The following ARIH1 variants were observed in gnomAD, a reference collection of about 807,000 sequenced individuals.
ARIH1 encodes the protein ariadne RBR E3 ubiquitin protein ligase 1.
A neutral mutation model predicts 85.0 loss-of-function variants in ARIH1; 8 were observed. That is an observed-to-expected ratio of 0.09 (90% CI 0.06 to 0.17). The LOEUF (loss-of-function observed/expected upper bound fraction) is 0.17, where lower values mean the gene tolerates loss of function less well. Among genes scored for constraint, ARIH1 ranks in the 10% least tolerant of loss-of-function variants. The pLI is 1.00. For synonymous variants in ARIH1, 238 were observed against 253.6 expected, an observed-to-expected ratio of 0.94 and a Z score of 0.59; for missense variants, 311 against 718.1, an observed-to-expected ratio of 0.43 and a Z score of 6.48.
At chr15:72,485,714 GCTGT>G (rs922454841) in intron 1 of ARIH1, among the ~76,000 whole-genome samples, 36 of 151,984 alleles carry the variant, frequency 2.4e-4, no homozygotes, top group Non-Finnish European at 1.2e-4. Context: ...CTAGGTAATT[GCTGT>G]CTTTCTTATA....
At chr15:72,531,924 T>G (rs1399788709) in intron 2 of ARIH1, among the ~76,000 whole-genome samples, 1 of 152,194 alleles carries the variant, frequency 6.6e-6, no homozygotes, top group Non-Finnish European at 1.5e-5. Context: ...ATAATTGTTA[T>G]TTAAGCAACT....
Position 72,536,083 on chromosome 15 carries a change from C to T in ARIH1, c.444-8737C>T, listed in dbSNP as rs573960251. Among the ~76,000 whole-genome samples the T allele has an allele frequency of 3.6e-4, 55 of 152,186 alleles. No individual in the cohort carries two copies. The South Asian group carries it at 6.8e-3, about 19-fold the overall frequency. ...ACTGAAATAGTCATAAGCCAGAAGT[C>T]GTAGACAACCACCAGTAAAGATGAC... On this transcript the variant is annotated intron_variant, in intron 2 of 13. Coordinates refer to ENST00000379887, the MANE Select transcript of ARIH1 (RefSeq NM_005744.5).
chr15:72,496,023 G>C (rs920695625), intron 1 of ARIH1, among the ~76,000 whole-genome samples: 1 of 151,888 alleles, frequency 6.6e-6, no homozygotes, highest in Non-Finnish European at 1.5e-5. Flanking sequence ...CAATCCTTCC[G>C]CCTCAGCCTC....
intron 1 of ARIH1, among the ~76,000 whole-genome samples, chr15:72,511,931 G>T (rs904894696): frequency 6.6e-6 from 1 of 150,980 alleles, no homozygotes; most frequent in Admixed American, 6.6e-5. Context: ...ATCCTATCCT[G>T]TGACTTTTCT....
In ARIH1 at chr15:72,582,418, C is replaced by G. The variant is rs976425760; in HGVS notation, c.1589+231C>G. On this transcript the variant is annotated intron_variant, in intron 13 of 13. Coordinates refer to ENST00000379887, the MANE Select transcript of ARIH1 (RefSeq NM_005744.5). This position sits in a 1 kb window ranked among gnomAD's most constrained non-coding sequence, Gnocchi z 4.6. The stretch of plus-strand genomic sequence containing the variant: ...TCTATTGGCTAATTCCACTTCTGTT[C>G]AGTTATTTAGTTGCTACCTTGCAAG... Among the ~76,000 whole-genome samples the G allele has an allele frequency of 1.3e-5, 2 of 151,996 alleles. No homozygotes were observed. Among genetic ancestry groups the G allele is most frequent in the Non-Finnish European group, 2.9e-5 (2 of 68,002 alleles).
intron 3 of ARIH1, among the ~76,000 whole-genome samples, chr15:72,547,820 A>G (rs1397654882): frequency 6.6e-6 from 1 of 152,142 alleles, no homozygotes. Flanking sequence ...CTCCTGCCCT[A>G]TCATAGACAG....
At chr15:72,512,595 TTTTTC>T (rs1221538756) in intron 1 of ARIH1, among the ~76,000 whole-genome samples, 1 of 151,340 alleles carries the variant, frequency 6.6e-6, no homozygotes, top group Admixed American at 6.6e-5. Flanking sequence ...TGGGTTTTTC[TTTTTC>T]TTTTTTTTCC....
chr15:72,599,085 T>C lies in ARIH1; in HGVS notation c.*15793T>C, dbSNP rs1404577206. 1.3e-5 allele frequency: 2 copies of C among 152,326 alleles called. No homozygotes were observed. Among genetic ancestry groups the C allele is most frequent in the South Asian group, 2.1e-4 (1 of 4,826 alleles). The allele number at this position is 152,326 out of a possible 1,614,324, so 9.4% of individuals were successfully genotyped here. A position where few individuals can be genotyped will look rare whatever the true frequency, so the allele number is the denominator to read the frequency against. On this transcript the variant is annotated 3_prime_UTR_variant, in exon 14 of 14. Transcript: ENST00000379887. ...TCTGGCTCTGTTGCCCAGGCTGGAG[T>C]GCAGTGGCACGATCTAGGCTCATTG... is the stretch of plus-strand genomic sequence containing the variant.
chr15:72,561,554 G>A lies in ARIH1; in HGVS notation c.804+5G>A. 6.6e-7 allele frequency: 1 copy of A among 1,522,044 alleles called. No homozygotes were observed. 94.3% of individuals were successfully genotyped at this position (1,522,044 alleles called of 1,614,324 possible). Reference sequence around the variant, plus strand: ...ATAACAAATAGCTTTGTAGAGGTAAGTGATTTGTTTTCCTTCTTGTAAGAA... The same window carrying A: ...ATAACAAATAGCTTTGTAGAGGTAAATGATTTGTTTTCCTTCTTGTAAGAA... On this transcript the variant is annotated splice_donor_5th_base_variant and intron_variant, in intron 6 of 13. Transcript: ENST00000379887.
In ARIH1 at chr15:72,534,959, C is replaced by CTTTTTT. The variant is rs59841210; in HGVS notation, c.444-9855_444-9850dup. On this transcript the variant is annotated intron_variant, in intron 2 of 13. Transcript: ENST00000379887. Reference sequence around the variant, plus strand: ...CCTATGTCTTCTTATTGTCTGTATTCTTTTTTTTTTTGAGACGGAGTCTCG... The same window carrying CTTTTTT: ...CCTATGTCTTCTTATTGTCTGTATTCTTTTTTTTTTTTTTTTTGAGACGGAGTCTCG... 3.1e-4 allele frequency among the ~76,000 whole-genome samples: 23 copies of CTTTTTT among 73,912 alleles called. 6 individuals carry two copies. The South Asian group carries it at 6.1e-3, about 20-fold the overall frequency. 48.5% of individuals were successfully genotyped at this position (73,912 alleles called of 152,430 possible). A position where few individuals can be genotyped will look rare whatever the true frequency, so the allele number is the denominator to read the frequency against.
chr15:72,514,867 G>A (rs117900766), intron 1 of ARIH1, among the ~76,000 whole-genome samples: 2,037 of 152,084 alleles, frequency 0.013, 17 homozygotes, highest in Non-Finnish European at 0.019. Context: ...GAGTGTGGTG[G>A]CATGCCCCTG....
At chr15:72,501,168 CAG>C (rs546591881) in intron 1 of ARIH1, among the ~76,000 whole-genome samples, 327 of 152,210 alleles carry the variant, frequency 2.1e-3, no homozygotes, top group African/African-American at 7.7e-3. Context: ...TTAAAGGATA[CAG>C]GGGTATATTT....
At chr15:72,527,753 TTTC>T (rs1404779154) in intron 2 of ARIH1, among the ~76,000 whole-genome samples, 1 of 152,208 alleles carries the variant, frequency 6.6e-6, no homozygotes, top group East Asian at 1.9e-4. Context: ...AAGTTAACCT[TTTC>T]TTCTGAGACA....
At chr15:72,580,336 G>A (rs2140440047) in intron 11 of ARIH1, among the ~76,000 whole-genome samples, 1 of 152,234 alleles carries the variant, frequency 6.6e-6, no homozygotes, top group Admixed American at 6.5e-5. Context: ...TCCATTGATG[G>A]ACACTTTACA....
At position 72,544,880 on chromosome 15, in the gene ARIH1, A is replaced by G. The variant is rs2064122349; in HGVS notation, c.504A>G (p.Lys168=). Residue 168 remains lysine, a synonymous_variant, in exon 3 of 14, where the codon AAA becomes AAG. Transcript: ENST00000379887. ...FAECHVINPS[K]KSRTRQMNTR... is the part of the protein sequence containing the mutation. The stretch of plus-strand genomic sequence containing the variant: ...AGTGTCATGTAATTAATCCAAGTAA[A>G]AAGTCTCGAACACGCCAGATGAATA... 6.2e-7 allele frequency: 1 copy of G among 1,613,650 alleles called. No individual in the cohort carries two copies. The highest frequency in any genetic ancestry group is 8.5e-7 in the Non-Finnish European group (1 of 1,179,636).
At chr15:72,565,899 T>G (rs1413752374) in intron 7 of ARIH1, among the ~76,000 whole-genome samples, 2 of 152,246 alleles carry the variant, frequency 1.3e-5, no homozygotes, top group Non-Finnish European at 2.9e-5. Context: ...TTGCCATTCG[T>G]AAATTACTTA....
chr15:72,517,470 G>T (rs1176215296), intron 1 of ARIH1, among the ~76,000 whole-genome samples: 1 of 151,882 alleles, frequency 6.6e-6, no homozygotes, highest in African/African-American at 2.4e-5. Context: ...TGTTGCCCAG[G>T]CTGGAGTGCA....
intron 6 of ARIH1, among the ~76,000 whole-genome samples, chr15:72,562,818 T>C (rs2064202809): frequency 6.6e-6 from 1 of 151,870 alleles, no homozygotes; most frequent in Non-Finnish European, 1.5e-5. Flanking sequence ...ATTAAAGTTA[T>C]TCAGTGGGAT....
chr15:72,504,522 G>A (rs989436347), intron 1 of ARIH1, among the ~76,000 whole-genome samples: 17 of 152,082 alleles, frequency 1.1e-4, no homozygotes, highest in Non-Finnish European at 2.4e-4. Flanking sequence ...GACAGGTTGG[G>A]CAGGTAATCT....
Sources: gnomAD v4.1 joint callset for allele counts (sites outside exome capture counted in the v4.1 genomes callset) on GRCh38, gnomAD v4.1.1 for gene constraint, Gnocchi (gnomAD v3.1) non-coding constraint, MANE v1.5 for transcripts, NCBI Gene and HGNC (gene_info 2026-07-23, HGNC 2026-07-21) for gene names.